Variants in DNAH2 observed in about 807,000 individuals in gnomAD.
The protein encoded by DNAH2 is dynein axonemal heavy chain 2.
In DNAH2, 323 loss-of-function variants were observed where a neutral mutation model predicts 523.5. The observed-to-expected ratio is 0.62, with a 90% CI of 0.56 to 0.68. The LOEUF (loss-of-function observed/expected upper bound fraction) is 0.68, where lower values mean the gene tolerates loss of function less well. Among genes scored for constraint, DNAH2 ranks in the 30% least tolerant of loss-of-function variants. The probability of loss-of-function intolerance (pLI) is 0.00; values close to 1 mark genes in which losing one functional copy is unlikely to be tolerated. For synonymous variants in DNAH2, 2,093 were observed against 2,177.4 expected (o/e 0.96, Z 1.08); for missense variants, 4,907 against 5,701.5 (o/e 0.86, Z 4.49).
intron 63 of DNAH2, among the ~76,000 whole-genome samples, chr17:7,813,213 G>C (rs1030435714): frequency 2.0e-5 from 3 of 151,854 alleles, no homozygotes; most frequent in Non-Finnish European, 4.4e-5. Flanking sequence ...GTGAAGACGT[G>C]CTTATGCCTG....
At chr17:7,791,890 T>C (rs2076907131) in intron 44 of DNAH2, 27 bp from the exon 45 acceptor site, 1 of 1,607,364 alleles carries the variant, frequency 6.2e-7, no homozygotes, top group African/African-American at 1.3e-5. Flanking sequence ...ACAGGTGGGT[T>C]ATTTCCTCTT....
intron 77 of DNAH2, among the ~76,000 whole-genome samples, chr17:7,827,801 G>T (rs1183779560): frequency 6.6e-6 from 1 of 151,768 alleles, no homozygotes; most frequent in East Asian, 1.9e-4. Flanking sequence ...CTCAAATACT[G>T]CGAAAGTACT....
intron 28 of DNAH2, 111 bp downstream of exon 28, chr17:7,771,579 T>G (rs991951286): frequency 3.1e-5 from 38 of 1,207,224 alleles, no homozygotes; most frequent in Non-Finnish European, 4.0e-5. Flanking sequence ...CTCCTAACAT[T>G]TCCCATCTCC....
intron 50 of DNAH2, 119 bp downstream of exon 50, chr17:7,796,771 A>C (rs2077075609): frequency 4.4e-6 from 5 of 1,137,416 alleles, no homozygotes; most frequent in Non-Finnish European, 6.1e-6. Flanking sequence ...CCCATGCTGA[A>C]GTGCCACACT....
At chr17:7,794,207 G>T in intron 48 of DNAH2, 47 bp from the exon 49 acceptor site, 1 of 1,453,316 alleles carries the variant, frequency 6.9e-7, no homozygotes, top group Non-Finnish European at 9.4e-7. Flanking sequence ...CGCCTCTCTT[G>T]CCCTCTCCCC....
intron 11 of DNAH2, among the ~76,000 whole-genome samples, chr17:7,741,237 T>TC (rs1346093748): frequency 6.8e-5 from 1 of 14,738 alleles, no homozygotes; most frequent in African/African-American, 2.7e-4. Context: ...TTTCTCTCTC[T>TC]CTTTCTTTCT....
intron 32 of DNAH2, 139 bp from the exon 33 acceptor site, chr17:7,777,307 G>A (rs1185755016): frequency 1.5e-5 from 14 of 917,648 alleles, no homozygotes; most frequent in Non-Finnish European, 2.1e-5. Flanking sequence ...GGGGCAGTCC[G>A]TGGTAGAGCA....
At position 7,774,804 on chromosome 17, in the gene DNAH2, T is replaced by C. The variant is rs764243450; in HGVS notation, c.4547T>C (p.Ile1516Thr). 1.2e-4 allele frequency: 194 copies of C among 1,614,106 alleles called. No individual in the cohort carries two copies. The highest frequency in any genetic ancestry group is 1.6e-4 in the Non-Finnish European group (184 of 1,180,046). ...GAAATGAATACAATCCTGGAAGATATTCAGAAATCTCTGGATATGTATTTA... is the reference window on the plus strand; with the variant it reads ...GAAATGAATACAATCCTGGAAGATACTCAGAAATCTCTGGATATGTATTTA... The part of the protein sequence containing the change: ...LIEMNTILED[I>T]QKSLDMYLET... The change falls in exon 29 of 86, where the codon ATT becomes ACT. Residue 1516 changes from isoleucine (I) to threonine (T), a missense_variant. By Grantham distance (89) the Ile-to-Thr change is moderately conservative. Transcript: ENST00000572933.
chr17:7,731,475 T>C (rs1161239053), intron 4 of DNAH2, among the ~76,000 whole-genome samples: 4 of 152,112 alleles, frequency 2.6e-5, no homozygotes, highest in Non-Finnish European at 5.9e-5. Context: ...TAAATTCAAG[T>C]AAAATTAAAT....
At position 7,814,049 on chromosome 17, in the gene DNAH2, C is replaced by T. The variant is rs537741983; in HGVS notation, c.9730-2522C>T. On this transcript the variant is annotated intron_variant, in intron 63 of 85. Transcript: ENST00000572933. Reference sequence around the variant, plus strand: ...ATATATAAATGATTCTGTGCATGGACTATTCTAGAAAGCTACACGGGAAAC... The same window carrying T: ...ATATATAAATGATTCTGTGCATGGATTATTCTAGAAAGCTACACGGGAAAC... Among the ~76,000 whole-genome samples, 10 of 151,894 alleles carry T rather than the reference C, an allele frequency of 6.6e-5. No individual in the cohort carries two copies. The East Asian group carries it at 1.9e-3, about 29-fold the overall frequency.
chr17:7,772,538 A>C (rs2076345998), intron 28 of DNAH2, among the ~76,000 whole-genome samples: 1 of 152,172 alleles, frequency 6.6e-6, no homozygotes, highest in Non-Finnish European at 1.5e-5. Flanking sequence ...GACTCAAAGG[A>C]TCCAACAGCC....
rs1022774087 is a variant in DNAH2, at chr17:7,760,293, G to A, written c.2785+355G>A. Among the ~76,000 whole-genome samples the A allele has an allele frequency of 6.6e-6, 1 of 152,090 alleles. No individual in the cohort carries two copies. Among genetic ancestry groups the A allele is most frequent in the African/African-American group, 2.4e-5 (1 of 41,410 alleles). ...TGAGGCAAAGAATCACCCCGGAGGC[G>A]GAGGTTGCAGTGAGCGGAGATCATG... On this transcript the variant is annotated intron_variant, in intron 17 of 85. Coordinates refer to ENST00000572933, the MANE Select transcript of DNAH2 (RefSeq NM_020877.5). This position sits in a 1 kb window ranked among gnomAD's most constrained non-coding sequence, Gnocchi z 4.0.
rs1318005288 is a variant in DNAH2, at chr17:7,821,402, G to A, written c.11142+33G>A. 3 of 1,601,342 alleles carry A rather than the reference G, an allele frequency of 1.9e-6. No homozygotes were observed. In the African/African-American group the frequency reaches 4.0e-5, roughly 21 times the overall value. Reference sequence around the variant, plus strand: ...GGGCAGAGAGCACATCCCAGGATGGGATGGTCAAGGTTGGGGATGAGGGCA... The same window carrying A: ...GGGCAGAGAGCACATCCCAGGATGGAATGGTCAAGGTTGGGGATGAGGGCA... On this transcript the variant is annotated intron_variant, in intron 73 of 85. Transcript: ENST00000572933. The surrounding 1 kb of genome is among the most constrained non-coding windows in gnomAD (Gnocchi z 5.0).
rs1766793438 is a variant in DNAH2 at position 7,767,961 on chromosome 17, A to G, written c.3737A>G (p.Glu1246Gly). 6.2e-7 allele frequency: 1 copy of G among 1,614,004 alleles called. No homozygotes were observed. The highest frequency in any genetic ancestry group is 1.3e-5 in the African/African-American group (1 of 74,902). The change falls in exon 23 of 86, where the codon GAG becomes GGG. Residue 1246 changes from glutamate (E) to glycine (G), a missense_variant. Physicochemically the swap from Glu to Gly is moderately conservative, Grantham distance 98 (BLOSUM62 -2). Transcript: ENST00000572933. ...CGAGACTGGGAGGAGAACTGGAATG[A>G]GTGGAAGACTGGCCGGTTCCTGATC... ...IARDWEENWN[E>G]WKTGRFLILQ...
At chr17:7,766,620 T>C in intron 22 of DNAH2, 139 bp downstream of exon 22, 1 of 655,826 alleles carries the variant, frequency 1.5e-6, no homozygotes, top group South Asian at 2.8e-5. Flanking sequence ...TGAGGTAAAA[T>C]TCATACAACA....
Position 7,786,687 on chromosome 17 carries a change from G to C in DNAH2, c.6466G>C (p.Asp2156His), listed in dbSNP as rs779829892. Residue 2156 changes from aspartate to histidine, a missense_variant and splice_region_variant, in exon 41 of 86, where the codon GAT (aspartate) becomes CAT (histidine). Transcript: ENST00000572933. This position sits in a 1 kb window ranked among gnomAD's most constrained non-coding sequence, Gnocchi z 7.5. ...LSSVMRTACADEKPDEKWILF... is the reference protein window; with the variant it reads ...LSSVMRTACAHEKPDEKWILF... Reference sequence around the variant, plus strand: ...CAGTGTCATGCGGACGGCATGTGCAGGTATCCAGAGGATCGTGGGGTGTGG... The same window carrying C: ...CAGTGTCATGCGGACGGCATGTGCACGTATCCAGAGGATCGTGGGGTGTGG... The C allele has an allele frequency of 6.2e-7, 1 of 1,613,790 alleles. No individual in the cohort carries two copies. The highest frequency in any genetic ancestry group is 1.1e-5 in the South Asian group (1 of 91,068).
At chr17:7,802,587 G>T (rs999590243) in intron 58 of DNAH2, among the ~76,000 whole-genome samples, 1 of 152,160 alleles carries the variant, frequency 6.6e-6, no homozygotes, top group Admixed American at 6.5e-5. Flanking sequence ...TATGTAAATA[G>T]TTGTTATACT....
At chr17:7,772,485 G>T (rs1376091380) in intron 28 of DNAH2, among the ~76,000 whole-genome samples, 3 of 152,122 alleles carry the variant, frequency 2.0e-5, no homozygotes, top group Admixed American at 6.5e-5. Flanking sequence ...TCTTGTCCAC[G>T]GCTACTGAGC....
chr17:7,774,911 C>G lies in DNAH2; in HGVS notation c.4654C>G (p.Pro1552Ala). ...LLEILGQSRNPEAVQPHLKKC... is the reference protein window; with the variant it reads ...LLEILGQSRNAEAVQPHLKKC... ...GGAGATTCTGGGCCAGTCCCGAAAC[C>G]CAGAGGCTGTGCAGCCACACCTCAA... Residue 1552 changes from proline to alanine, a missense_variant, in exon 29 of 86, where the codon CCA (proline) becomes GCA (alanine). Around this residue, in one of 3 missense-constraint regions of DNAH2, gnomAD observed 2,806 missense variants for 3,190.8 expected, o/e 0.88. Transcript: ENST00000572933. 1 of 1,614,184 alleles carries G rather than the reference C, an allele frequency of 6.2e-7. No homozygotes were observed. Among genetic ancestry groups the G allele is most frequent in the Non-Finnish European group, 8.5e-7 (1 of 1,180,036 alleles).
Sources: gnomAD v4.1 joint callset for allele counts (sites outside exome capture counted in the v4.1 genomes callset) on GRCh38, gnomAD v4.1.1 for gene constraint, gnomAD v4.1.1 regional missense constraint, Gnocchi (gnomAD v3.1) non-coding constraint, MANE v1.5 for transcripts, NCBI Gene and HGNC (gene_info 2026-07-23, HGNC 2026-07-21) for gene names.